NRF1: variants seen among roughly 807,000 people sequenced by gnomAD.
NRF1 encodes nuclear respiratory factor 1.
A neutral mutation model predicts 58.5 loss-of-function variants in NRF1; 5 were observed. The observed-to-expected ratio is 0.09, with a 90% confidence interval of 0.04 to 0.18. The LOEUF is 0.18. Among genes scored for constraint, NRF1 ranks in the 10% least tolerant of loss-of-function variants. NRF1 has a pLI of 1.00. For synonymous variants in NRF1, 224 were observed against 246.7 expected (o/e 0.91, Z 0.86); for missense variants, 288 against 657.7 (o/e 0.44, Z 6.15).
chr7:129,640,828 G>A (rs917536760), intron 1 of NRF1, among the ~76,000 whole-genome samples: 2 of 152,136 alleles, frequency 1.3e-5, no homozygotes, highest in Non-Finnish European at 2.9e-5. Flanking sequence ...CATCAAACTA[G>A]TCTCCAAAGT....
At chr7:129,727,855 G>A (rs965297744) in intron 10 of NRF1, among the ~76,000 whole-genome samples, 1 of 152,162 alleles carries the variant, frequency 6.6e-6, no homozygotes, top group Non-Finnish European at 1.5e-5. Flanking sequence ...CTGTGGTTCT[G>A]CTTCCTGTTA....
At chr7:129,615,810 A>G (rs1800647305) in intron 1 of NRF1, among the ~76,000 whole-genome samples, 1 of 152,198 alleles carries the variant, frequency 6.6e-6, no homozygotes, top group Admixed American at 6.5e-5. Context: ...ACTTTTATCC[A>G]TCAGTTTTCT....
intron 1 of NRF1, among the ~76,000 whole-genome samples, chr7:129,627,467 A>G (rs1433561698): frequency 6.6e-6 from 1 of 151,960 alleles, no homozygotes; most frequent in African/African-American, 2.4e-5. Context: ...GCAATCCTCC[A>G]AAGTGTTGGG....
chr7:129,710,598 T>G, intron 7 of NRF1, 27 bp downstream of exon 7: 2 of 1,209,154 alleles, frequency 1.7e-6, no homozygotes, highest in Non-Finnish European at 2.5e-6. Flanking sequence ...GCTACCAGAC[T>G]GTGGCTTCTG....
intron 5 of NRF1, among the ~76,000 whole-genome samples, chr7:129,705,803 C>T (rs1029630967): frequency 3.6e-4 from 55 of 152,016 alleles, no homozygotes; most frequent in Non-Finnish European, 2.2e-4. Context: ...AATAGCTGGG[C>T]ATGGTGGCAT....
In NRF1 at chr7:129,756,474, C is replaced by T. The variant is rs537483999; in HGVS notation, c.*1293C>T. On this transcript the variant is annotated 3_prime_UTR_variant, in exon 11 of 11. Coordinates refer to ENST00000393232, the MANE Select transcript of NRF1 (RefSeq NM_005011.5). ...CTTGATGCAACCTCGTGGCCCAGGC[C>T]GGGAGCAGCTTGCCTCCTCAGAGGT... 462 of 152,666 alleles carry T rather than the reference C, an allele frequency of 3.0e-3. 2 individuals carry two copies. Among genetic ancestry groups the T allele is most frequent in the South Asian group, 6.6e-3 (32 of 4,824 alleles). 9.5% of individuals were successfully genotyped at this position (152,666 alleles called of 1,614,324 possible). A position where few individuals can be genotyped will look rare whatever the true frequency, so the allele number is the denominator to read the frequency against.
chr7:129,637,049 C>A (rs1035498611), intron 1 of NRF1, among the ~76,000 whole-genome samples: 4 of 152,186 alleles, frequency 2.6e-5, no homozygotes, highest in Admixed American at 6.5e-5. Context: ...GGAGAGTAAT[C>A]CTTGGTCCTC....
intron 9 of NRF1, among the ~76,000 whole-genome samples, chr7:129,725,389 A>T (rs1803427452): frequency 1.4e-5 from 2 of 144,772 alleles, no homozygotes; most frequent in Admixed American, 6.9e-5. Flanking sequence ...GTGCAATGGC[A>T]TGATATCGGC....
Position 129,710,448 on chromosome 7 carries a change from T to C in NRF1, c.840T>C (p.Tyr280=), listed in dbSNP as rs1323287749. The change falls in exon 7 of 11, where the codon TAT becomes TAC. Residue 280 remains tyrosine (Y), a synonymous_variant. Transcript: ENST00000393232. The part of the protein sequence containing the change: ...YKQHGREDLL[Y]AFEDQQTQTQ... ...AGCATGGGCGGGAAGACCTTTTGTA[T>C]GCCTTTGAAGATCAGCAAACGCAAA... 1.9e-6 allele frequency: 3 copies of C among 1,614,076 alleles called. No individual in the cohort carries two copies. The highest frequency in any genetic ancestry group is 2.5e-6 in the Non-Finnish European group (3 of 1,180,026).
chr7:129,744,713 C>G (rs1009291570), intron 10 of NRF1, among the ~76,000 whole-genome samples: 13 of 152,190 alleles, frequency 8.5e-5, no homozygotes, highest in African/African-American at 2.4e-4. Context: ...TTTCCACTTA[C>G]TGATCTGCTT....
At position 129,640,965 on chromosome 7, in the gene NRF1, T is replaced by C. The variant is rs770592693; in HGVS notation, c.-6-16381T>C. On this transcript the variant is annotated intron_variant, in intron 1 of 10. Transcript: ENST00000393232. ...ACAGTTCCAGATTTTTCAGCCAGTC[T>C]TCATCAGGGTGTTATTTGTACATCC... Among the ~76,000 whole-genome samples, 6 of 152,236 alleles carry C rather than the reference T, an allele frequency of 3.9e-5. No homozygotes were observed. In the East Asian group the frequency reaches 1.2e-3, roughly 29 times the overall value.
At chr7:129,714,945 A>T (rs563362684) in intron 8 of NRF1, among the ~76,000 whole-genome samples, 2 of 152,198 alleles carry the variant, frequency 1.3e-5, no homozygotes, top group Non-Finnish European at 2.9e-5. Context: ...TGCAGTAAGC[A>T]CTGCTAAGGT....
chr7:129,665,984 A>G (rs139397056), intron 2 of NRF1, among the ~76,000 whole-genome samples: 37 of 152,358 alleles, frequency 2.4e-4, no homozygotes, highest in African/African-American at 7.9e-4. Flanking sequence ...AGGATAGGTT[A>G]ATAAAGAAGT....
intron 10 of NRF1, among the ~76,000 whole-genome samples, chr7:129,729,585 A>G (rs577022118): frequency 1.2e-3 from 186 of 152,344 alleles, no homozygotes; most frequent in Non-Finnish European, 1.0e-3. Flanking sequence ...AGTTTTAGGC[A>G]AAGGCCAATC....
In NRF1 at chr7:129,643,074, G is replaced by A. The variant is rs116717363; in HGVS notation, c.-6-14272G>A. ...ACAATAATGTAGGAGTACCTGATAA[G>A]AATTCAGTAAATATTTGTTGAATGA... is the stretch of plus-strand genomic sequence containing the variant. On this transcript the variant is annotated intron_variant, in intron 1 of 10. Coordinates refer to ENST00000393232, the MANE Select transcript of NRF1 (RefSeq NM_005011.5). Among the ~76,000 whole-genome samples, 1,328 of 152,274 alleles carry A rather than the reference G, an allele frequency of 8.7e-3. 16 individuals carry two copies. Among genetic ancestry groups the A allele is most frequent in the African/African-American group, 0.03 (1,263 of 41,558 alleles).
Position 129,625,527 on chromosome 7 carries a change from G to A in NRF1, c.-7+13703G>A, listed in dbSNP as rs566878854. 5.9e-5 allele frequency among the ~76,000 whole-genome samples: 9 copies of A among 152,014 alleles called. No individual in the cohort carries two copies. In the South Asian group the frequency reaches 1.9e-3, roughly 32 times the overall value. ...TAAATTTATTAGTTTTTTAGAAACA[G>A]TCTCTTTCTGTCTCCCCAACTGGAG... On this transcript the variant is annotated intron_variant, in intron 1 of 10. Coordinates refer to ENST00000393232, the MANE Select transcript of NRF1 (RefSeq NM_005011.5).
At chr7:129,691,787 G>C (rs1802575353) in intron 5 of NRF1, among the ~76,000 whole-genome samples, 1 of 152,038 alleles carries the variant, frequency 6.6e-6, no homozygotes, top group South Asian at 2.1e-4. Context: ...TCTGTCTCTT[G>C]ACCACACCCT....
chr7:129,686,793 T>C (rs1802452742), intron 4 of NRF1, among the ~76,000 whole-genome samples: 1 of 152,232 alleles, frequency 6.6e-6, no homozygotes, highest in African/African-American at 2.4e-5. Flanking sequence ...AATTGACATG[T>C]TGGTATGAAG....
In NRF1 at chr7:129,651,056, A is replaced by G. The variant is rs866031952; in HGVS notation, c.-6-6290A>G. ...TGGAAACATTGTAAGTATCATTCAT[A>G]AGTATCCCACTCTAGTTAAAAGAAG... is the stretch of plus-strand genomic sequence containing the variant. On this transcript the variant is annotated intron_variant, in intron 1 of 10. Transcript: ENST00000393232. Among the ~76,000 whole-genome samples, 11 of 152,330 alleles carry G rather than the reference A, an allele frequency of 7.2e-5. No individual in the cohort carries two copies. In the South Asian group the frequency reaches 1.2e-3, roughly 17 times the overall value.
Sources: gnomAD v4.1 joint callset for allele counts (sites outside exome capture counted in the v4.1 genomes callset) on GRCh38, gnomAD v4.1.1 for gene constraint, MANE v1.5 for transcripts, NCBI Gene and HGNC (gene_info 2026-07-23, HGNC 2026-07-21) for gene names.